KANK1: variants seen among roughly 807,000 people sequenced by gnomAD.
KANK1 encodes KN motif and ankyrin repeat domain-containing protein 1.
A neutral mutation model predicts 106.2 loss-of-function variants in KANK1; 109 were observed. That is an observed-to-expected ratio of 1.03 (90% CI 0.88 to 1.20). The LOEUF is 1.20. Ranked by LOEUF, KANK1 falls within the 50% of genes most tolerant of loss-of-function variation. The pLI is 0.00. For missense variants in KANK1, 2,399 were observed against 1,710.7 expected (o/e 1.40, Z -7.10); for synonymous variants, 873 against 652.2 (o/e 1.34, Z -5.16).
At chr9:705,005 A>G (rs1227398313) in intron 2 of KANK1, among the ~76,000 whole-genome samples, 53 of 150,488 alleles carry the variant, frequency 3.5e-4, no homozygotes, top group Non-Finnish European at 7.0e-4. Context: ...AAAAAAAAAA[A>G]AAAAAAAAAA....
upstream of KANK1, among the ~76,000 whole-genome samples, chr9:504,332 C>A (rs926603142): frequency 2.0e-5 from 3 of 150,782 alleles, no homozygotes; most frequent in African/African-American, 7.3e-5. Context: ...GTTCTCGCCG[C>A]GGCGAGGCCC....
At chr9:602,697 C>T (rs1828068318) in intron 1 of KANK1, among the ~76,000 whole-genome samples, 1 of 151,678 alleles carries the variant, frequency 6.6e-6, no homozygotes, top group Non-Finnish European at 1.5e-5. Flanking sequence ...TATTTTTGTC[C>T]TTATAATTTT....
intron 1 of KANK1, among the ~76,000 whole-genome samples, chr9:506,545 T>TGTGC (rs930630609): frequency 2.0e-5 from 3 of 152,018 alleles, no homozygotes; most frequent in East Asian, 3.9e-4. Context: ...TGTGTGTGTG[T>TGTGC]GTGCGTGTGC....
chr9:560,024 A>G (rs1402293479), intron 1 of KANK1, among the ~76,000 whole-genome samples: 1 of 152,220 alleles, frequency 6.6e-6, no homozygotes, highest in East Asian at 1.9e-4. Context: ...TTTCTATTGT[A>G]GACCCTAGTT....
At chr9:586,401 T>C (rs1563813482) in intron 1 of KANK1, among the ~76,000 whole-genome samples, 1 of 152,172 alleles carries the variant, frequency 6.6e-6, no homozygotes, top group Non-Finnish European at 1.5e-5. Flanking sequence ...GCTCTTGTTA[T>C]AAACAGATGA....
chr9:740,160 C>T (rs1304614980), intron 8 of KANK1, among the ~76,000 whole-genome samples: 3 of 152,140 alleles, frequency 2.0e-5, no homozygotes, highest in African/African-American at 7.2e-5. Flanking sequence ...ATAATTTTAT[C>T]CCTGAAGACT....
intron 1 of KANK1, among the ~76,000 whole-genome samples, chr9:644,990 G>A (rs1004597644): frequency 4.7e-5 from 7 of 150,116 alleles, no homozygotes; most frequent in South Asian, 2.1e-4. Flanking sequence ...CAGGAATGGC[G>A]GTGTGCACCT....
chr9:553,451 T>G (rs1347995261), intron 1 of KANK1, among the ~76,000 whole-genome samples: 2 of 152,162 alleles, frequency 1.3e-5, no homozygotes, highest in Non-Finnish European at 2.9e-5. Context: ...CTGAGTTTTC[T>G]AAGAGCACGC....
At chr9:606,201 T>C (rs1330884481) in intron 1 of KANK1, among the ~76,000 whole-genome samples, 1 of 150,332 alleles carries the variant, frequency 6.7e-6, no homozygotes, top group Non-Finnish European at 1.5e-5. Flanking sequence ...CATATATACG[T>C]ACATACATAT....
In KANK1 at chr9:732,618, G is replaced by A; in HGVS notation, c.3245+1G>A. 1 of 1,613,306 alleles carries A rather than the reference G, an allele frequency of 6.2e-7. No homozygotes were observed. Among genetic ancestry groups the A allele is most frequent in the Non-Finnish European group, 8.5e-7 (1 of 1,179,354 alleles). On this transcript the variant is annotated splice_donor_variant, in intron 6 of 11. Transcript: ENST00000382297. LOFTEE classifies it high-confidence loss of function. ...CTGAGAAGGTGGAAATCAGAGAGAG[G>A]TGTGGTACATTCCCCTTCCCTCCCT... is the stretch of plus-strand genomic sequence containing the variant.
intron 1 of KANK1, among the ~76,000 whole-genome samples, chr9:590,243 G>C (rs1374550289): frequency 1.3e-5 from 2 of 152,104 alleles, no homozygotes; most frequent in African/African-American, 4.8e-5. Context: ...CAATAGTTTT[G>C]TTTTGTGTTC....
Position 518,178 on chromosome 9 carries a change from A to G in KANK1, c.-84+13424A>G, listed in dbSNP as rs150388891. On this transcript the variant is annotated intron_variant, in intron 1 of 11. Coordinates refer to ENST00000382297, the MANE Select transcript of KANK1 (RefSeq NM_015158.5). ...TGCTAAAGGGGCTTGAAGTTTATAT[A>G]GTTTGTGAATCATTTTCTTGGGAAC... Among the ~76,000 whole-genome samples the G allele has an allele frequency of 3.5e-3, 530 of 151,932 alleles. 22 individuals are homozygous for G. The highest frequency in any genetic ancestry group is 0.012 in the African/African-American group (506 of 41,190).
chr9:598,924 G>A (rs1827003847), intron 1 of KANK1, among the ~76,000 whole-genome samples: 3 of 147,598 alleles, frequency 2.0e-5, no homozygotes, highest in African/African-American at 2.5e-5. Context: ...GAGCCACCAT[G>A]CCCGGCCATC....
At position 531,279 on chromosome 9, in the gene KANK1, A is replaced by C. The variant is rs1280137750; in HGVS notation, c.-84+26525A>C. 2.0e-5 allele frequency among the ~76,000 whole-genome samples: 3 copies of C among 152,114 alleles called. No individual in the cohort carries two copies. The East Asian group carries it at 5.8e-4, about 29-fold the overall frequency. On this transcript the variant is annotated intron_variant, in intron 1 of 11. Transcript: ENST00000382297. The stretch of plus-strand genomic sequence containing the variant: ...CAAAGCAAGAACCTTCCCTCTATAA[A>C]AAATACCCAGATGTGGTGGTGCGTG...
chr9:639,300 A>T (rs1837851635), intron 1 of KANK1, among the ~76,000 whole-genome samples: 2 of 151,818 alleles, frequency 1.3e-5, no homozygotes, highest in Non-Finnish European at 2.9e-5. Flanking sequence ...TGGAGATTTG[A>T]TCTTTGATTA....
chr9:512,230 A>AGTGTGTGTGT (rs71678968), intron 1 of KANK1, among the ~76,000 whole-genome samples: 1,903 of 136,956 alleles, frequency 0.014, 41 homozygotes, highest in African/African-American at 0.055. Flanking sequence ...CATAACCAAT[A>AGTGTGTGTGT]GTGTGTGTGT....
chr9:569,487 C>T (rs1164486058), intron 1 of KANK1, among the ~76,000 whole-genome samples: 1 of 152,174 alleles, frequency 6.6e-6, no homozygotes, highest in East Asian at 1.9e-4. Context: ...CCATGTGATT[C>T]CCTGTGCTGC....
chr9:514,165 TCTC>T (rs1563696958), intron 1 of KANK1, among the ~76,000 whole-genome samples: 1 of 64,410 alleles, frequency 1.6e-5, no homozygotes, highest in African/African-American at 1.3e-4. Flanking sequence ...CCTCCCTTCC[TCTC>T]TCCCTCCCTT....
chr9:558,811 C>T (rs73371068), intron 1 of KANK1: 1 of 151,958 alleles, frequency 6.6e-6, no homozygotes, highest in African/African-American at 2.4e-5. Flanking sequence ...TGGAGTGACT[C>T]AAATATTTTG....
Sources: allele counts gnomAD v4.1 joint callset (sites outside exome capture counted in the v4.1 genomes callset), GRCh38; gene constraint gnomAD v4.1.1; transcripts MANE v1.5; gene names NCBI Gene and HGNC (gene_info 2026-07-23, HGNC 2026-07-21).